DOK7: variants seen among roughly 807,000 people sequenced by gnomAD.
DOK7 encodes the protein docking protein 7.
Under a neutral mutation model 30.7 loss-of-function variants are expected in DOK7, and 32 were observed. That is an observed-to-expected ratio of 1.04 (90% CI 0.79 to 1.40). DOK7 has a LOEUF of 1.40. Ranked by LOEUF, DOK7 falls within the 40% of genes most tolerant of loss-of-function variation. DOK7 has a pLI of 0.00. For missense variants in DOK7, 1,007 were observed against 699.2 expected (o/e 1.44, Z -4.97); for synonymous variants, 447 against 324.1 (o/e 1.38, Z -4.07).
chr4:3,491,534 TTCCTTCTCCCACCTATTCATTCATTCC>T lies in DOK7; in HGVS notation c.773-1223_773-1197del, dbSNP rs1267112779. Reference sequence around the variant, plus strand: ...TTCCTTCTGTCTGTTCATTCATTTCTTCCTTCTCCCACCTATTCATTCATTCCTTCCTTCACTTATGGTTCCACATTT... The same window carrying T: ...TTCCTTCTGTCTGTTCATTCATTTCTTTCCTTCACTTATGGTTCCACATTT... On this transcript the variant is annotated intron_variant, in intron 6 of 6. Coordinates refer to ENST00000340083, the MANE Select transcript of DOK7 (RefSeq NM_173660.5). Among the ~76,000 whole-genome samples, 43 of 16,238 alleles carry T rather than the reference TTCCTTCTCCCACCTATTCATTCATTCC, an allele frequency of 2.6e-3. No homozygotes were observed. In the East Asian group the frequency reaches 0.26, roughly 96 times the overall value. 10.7% of individuals were successfully genotyped at this position (16,238 alleles called of 152,430 possible). A position where few individuals can be genotyped will look rare whatever the true frequency, so the allele number is the denominator to read the frequency against.
intron 6 of DOK7, among the ~76,000 whole-genome samples, chr4:3,499,885 G>A (rs570298801): frequency 2.6e-5 from 4 of 152,178 alleles, no homozygotes; most frequent in Admixed American, 1.3e-4. Context: ...GCCAAGGAGG[G>A]GCGGTTGGTG....
chr4:3,481,094 G>A (rs1200598872), intron 4 of DOK7, among the ~76,000 whole-genome samples: 1 of 151,948 alleles, frequency 6.6e-6, no homozygotes, highest in African/African-American at 2.4e-5. Context: ...CCCTGTTGGG[G>A]GGGATAGGAG....
chr4:3,488,301 C>T (rs1727947443), intron 5 of DOK7, among the ~76,000 whole-genome samples: 1 of 152,212 alleles, frequency 6.6e-6, no homozygotes, highest in African/African-American at 2.4e-5. Flanking sequence ...TCTCACCTGC[C>T]CGTGGGGAGG....
chr4:3,490,252 CTGCTCATTCATTCCTTCCTTCCCCACCT>C (rs1447295258), intron 6 of DOK7, among the ~76,000 whole-genome samples: 13 of 124,406 alleles, frequency 1.0e-4, no homozygotes, highest in South Asian at 2.9e-4. Flanking sequence ...CCTTTTCTCC[CTGCTCATTCATTCCTTCCTTCCCCACCT>C]TGCTCATTCA....
chr4:3,481,107 G>A lies in DOK7; in HGVS notation c.533-4432G>A, dbSNP rs563380807. ...AGCCCTGTTGGGGGGGATAGGAGGC[G>A]TGAGGGTGGAGGAGGAGGAGGAGAC... On this transcript the variant is annotated intron_variant, in intron 4 of 6. Transcript: ENST00000340083. Among the ~76,000 whole-genome samples, 43 of 152,190 alleles carry A rather than the reference G, an allele frequency of 2.8e-4. No homozygotes were observed. The East Asian group carries it at 7.5e-3, about 27-fold the overall frequency.
chr4:3,471,455 G>C (rs1726763035), intron 2 of DOK7, among the ~76,000 whole-genome samples: 1 of 152,216 alleles, frequency 6.6e-6, no homozygotes, highest in South Asian at 2.1e-4. Flanking sequence ...CATGGGTGTG[G>C]CTCAGCTTTT....
chr4:3,490,302 G>GCC (rs149731759), intron 6 of DOK7, among the ~76,000 whole-genome samples: 3,811 of 50,512 alleles, frequency 0.075, 181 homozygotes, highest in Non-Finnish European at 0.09. Flanking sequence ...TTCTTCCTCC[G>GCC]CCCCCCCGGC....
At chr4:3,468,168 G>A (rs1266527755) in intron 2 of DOK7, among the ~76,000 whole-genome samples, 1 of 147,286 alleles carries the variant, frequency 6.8e-6, no homozygotes, top group Non-Finnish European at 1.5e-5. Flanking sequence ...GTGTGTGCAT[G>A]TGAATACCTG....
In DOK7 at chr4:3,476,382, G is replaced by C. The variant is rs1248670995; in HGVS notation, c.372G>C (p.Leu124Phe). 6.2e-7 allele frequency: 1 copy of C among 1,612,508 alleles called. No homozygotes were observed. The highest frequency in any genetic ancestry group is 8.5e-7 in the Non-Finnish European group (1 of 1,179,940). Reference protein sequence around the residue: ...FHVTVAPGTKLESGPATLHLC... With the variant: ...FHVTVAPGTKFESGPATLHLC... Reference sequence around the variant, plus strand: ...TGACAGTGGCTCCAGGCACCAAGTTGGAGAGCGGCCCGGCTACCCTGCACC... The same window carrying C: ...TGACAGTGGCTCCAGGCACCAAGTTCGAGAGCGGCCCGGCTACCCTGCACC... Residue 124 changes from leucine to phenylalanine, a missense_variant, in exon 4 of 7, where the codon TTG becomes TTC. Physicochemically the swap from Leu to Phe is conservative, Grantham distance 22. Transcript: ENST00000340083.
At chr4:3,470,966 C>A (rs1410871513) in intron 2 of DOK7, among the ~76,000 whole-genome samples, 2 of 152,188 alleles carry the variant, frequency 1.3e-5, no homozygotes, top group African/African-American at 4.8e-5. Flanking sequence ...CAGAGCAGAG[C>A]CACAGGGGAG....
rs759348603 is a variant in DOK7 at position 3,463,452 on chromosome 4, G to GT, written c.54+23_54+24insT. 10 of 388,676 alleles carry GT rather than the reference G, an allele frequency of 2.6e-5. No homozygotes were observed. Among genetic ancestry groups the GT allele is most frequent in the Admixed American group, 2.9e-4 (2 of 6,876 alleles). The allele number at this position is 388,676 out of a possible 1,614,324, so 24.1% of individuals were successfully genotyped here. ...AAGGTCGGGGCGCGTCGGGGGCGCG[G>GT]GGGGGGGGGGCGCGGGCGCGGGCGG... On this transcript the variant is annotated intron_variant, in intron 1 of 6. Transcript: ENST00000340083.
chr4:3,488,192 C>T (rs1218581760), intron 5 of DOK7, among the ~76,000 whole-genome samples: 1 of 152,218 alleles, frequency 6.6e-6, no homozygotes, highest in Non-Finnish European at 1.5e-5. Context: ...GCTGGCAGGG[C>T]CCCAGGCTGA....
At chr4:3,471,280 G>A (rs6850707) in intron 2 of DOK7, among the ~76,000 whole-genome samples, 52,655 of 152,184 alleles carry the variant, frequency 0.35, 9,898 homozygotes, top group African/African-American at 0.48. Flanking sequence ...GCTGCAGGTG[G>A]GGGTGCCACT....
chr4:3,490,112 A>ATTCCTTTCTTCACCCC (rs1560225747), intron 6 of DOK7, among the ~76,000 whole-genome samples: 1 of 42,888 alleles, frequency 2.3e-5, no homozygotes, highest in Non-Finnish European at 4.2e-5. Context: ...CTTCACCCCC[A>ATTCCTTTCTTCACCCC]TTCATTCCTT....
At position 3,494,175 on chromosome 4, in the gene DOK7, T is replaced by C. The variant is rs937963243; in HGVS notation, c.*674T>C. 2.0e-6 allele frequency: 2 copies of C among 985,428 alleles called. No individual in the cohort carries two copies. The highest frequency in any genetic ancestry group is 1.7e-5 in the African/African-American group (1 of 57,252). 61.0% of individuals were successfully genotyped at this position (985,428 alleles called of 1,614,324 possible). ...GAGCAGCCTCGCCTGCTGACCCCAC[T>C]GGGAGAGGCGCCGTGCCTCGGGCCC... On this transcript the variant is annotated 3_prime_UTR_variant, in exon 7 of 7. Coordinates refer to ENST00000340083, the MANE Select transcript of DOK7 (RefSeq NM_173660.5).
intron 4 of DOK7, among the ~76,000 whole-genome samples, chr4:3,479,004 C>T (rs957249193): frequency 7.9e-5 from 12 of 152,172 alleles, no homozygotes; most frequent in Non-Finnish European, 1.5e-4. Flanking sequence ...CATCAGCTTC[C>T]TGGGGCTTCT....
intron 5 of DOK7, among the ~76,000 whole-genome samples, 186 bp from the exon 6 acceptor site, chr4:3,489,491 G>A (rs1728031701): frequency 6.6e-6 from 1 of 152,204 alleles, no homozygotes; most frequent in Non-Finnish European, 1.5e-5. Context: ...GGCCTGGATA[G>A]GGGTGGTGTG....
chr4:3,480,275 C>T (rs747832745), intron 4 of DOK7, among the ~76,000 whole-genome samples: 5 of 152,136 alleles, frequency 3.3e-5, no homozygotes, highest in Non-Finnish European at 5.9e-5. Context: ...CTCTGGGGGC[C>T]GCCCGGAGCA....
chr4:3,469,447 C>A (rs898803327), intron 2 of DOK7, among the ~76,000 whole-genome samples: 4 of 152,114 alleles, frequency 2.6e-5, no homozygotes, highest in African/African-American at 9.7e-5. Flanking sequence ...GATGGTGGTT[C>A]CTCAGCCGCC....
Sources: gnomAD v4.1 joint callset for allele counts (sites outside exome capture counted in the v4.1 genomes callset) on GRCh38, gnomAD v4.1.1 for gene constraint, MANE v1.5 for transcripts, NCBI Gene and HGNC (gene_info 2026-07-23, HGNC 2026-07-21) for gene names.